Variants in ZFHX3 observed in about 807,000 individuals in gnomAD.
ZFHX3 encodes the protein zinc finger homeobox protein 3.
A neutral mutation model predicts 279.1 loss-of-function variants in ZFHX3; 42 were observed. That is an observed-to-expected ratio of 0.15 (90% CI 0.12 to 0.19). The LOEUF (loss-of-function observed/expected upper bound fraction) is 0.19, where lower values mean the gene tolerates loss of function less well. Ranked by LOEUF, ZFHX3 falls within the 10% of genes least tolerant of loss-of-function variation. ZFHX3 has a pLI of 1.00. For synonymous variants in ZFHX3, 2,293 were observed against 1,957.8 expected (o/e 1.17, Z -4.52); for missense variants, 4,981 against 4,754.0 (o/e 1.05, Z -1.40).
chr16:73,561,267 C>T (rs922244811), intron 2 of ZFHX3, among the ~76,000 whole-genome samples: 6 of 152,108 alleles, frequency 3.9e-5, no homozygotes, highest in Non-Finnish European at 7.3e-5. Context: ...AGTTTCCATC[C>T]GTGTGCAGAT....
At chr16:73,690,194 C>T (rs917346982) in intron 1 of ZFHX3, among the ~76,000 whole-genome samples, 24 of 151,920 alleles carry the variant, frequency 1.6e-4, no homozygotes, top group African/African-American at 5.3e-4. Flanking sequence ...TGGGATTACA[C>T]GTGGACATAC....
intron 3 of ZFHX3, among the ~76,000 whole-genome samples, chr16:73,326,862 C>A (rs1259171077): frequency 6.6e-6 from 1 of 152,214 alleles, no homozygotes; most frequent in Non-Finnish European, 1.5e-5. Flanking sequence ...AAACTCCCAA[C>A]ATCAACATAC....
chr16:73,603,154 G>C (rs929349449), intron 2 of ZFHX3, among the ~76,000 whole-genome samples: 5 of 151,566 alleles, frequency 3.3e-5, no homozygotes, highest in African/African-American at 1.2e-4. Context: ...GCGCAGTGGC[G>C]GGCGTCTGTA....
chr16:73,732,341 C>G (rs77279481), intron 1 of ZFHX3, among the ~76,000 whole-genome samples: 1 of 152,192 alleles, frequency 6.6e-6, no homozygotes, highest in African/African-American at 2.4e-5. Flanking sequence ...TGCTGGCCAA[C>G]AGAGAAGGAT....
chr16:73,639,087 C>T (rs897170067), intron 2 of ZFHX3, among the ~76,000 whole-genome samples: 7 of 152,134 alleles, frequency 4.6e-5, no homozygotes, highest in African/African-American at 1.2e-4. Flanking sequence ...TACCATGCAA[C>T]GGTCCTTTGC....
At chr16:73,678,231 A>G (rs1448580091) in intron 2 of ZFHX3, among the ~76,000 whole-genome samples, 1 of 152,164 alleles carries the variant, frequency 6.6e-6, no homozygotes, top group Non-Finnish European at 1.5e-5. Flanking sequence ...TGTTACACGC[A>G]TGTGTGAACA....
At chr16:73,420,844 A>G (rs2017704528) in intron 3 of ZFHX3, 1 of 152,216 alleles carries the variant, frequency 6.6e-6, no homozygotes, top group African/African-American at 2.4e-5. Context: ...CTCAAATTAC[A>G]TAATGAATCC....
chr16:73,416,932 C>T, intron 3 of ZFHX3, among the ~76,000 whole-genome samples: 1 of 151,978 alleles, frequency 6.6e-6, no homozygotes, highest in Non-Finnish European at 1.5e-5. Flanking sequence ...ACGTACCTCC[C>T]AAAATATACT....
At chr16:73,368,984 C>G (rs930740078) in intron 3 of ZFHX3, among the ~76,000 whole-genome samples, 3 of 152,200 alleles carry the variant, frequency 2.0e-5, no homozygotes, top group Admixed American at 1.3e-4. Flanking sequence ...CAGACAGATA[C>G]AATGTGACCT....
intron 4 of ZFHX3, among the ~76,000 whole-genome samples, chr16:72,838,900 T>A (rs1338480963): frequency 7.1e-6 from 1 of 141,834 alleles, no homozygotes; most frequent in Non-Finnish European, 1.5e-5. Context: ...CACAGGAAGA[T>A]TTTTTTTTTT....
chr16:73,540,545 AG>A (rs2019993089), intron 2 of ZFHX3, among the ~76,000 whole-genome samples: 1 of 152,256 alleles, frequency 6.6e-6, no homozygotes, highest in South Asian at 2.1e-4. Context: ...AAGTAAAAGC[AG>A]GAAGAGGATC....
In ZFHX3 at chr16:73,505,709, A is replaced by G. The variant is rs540937921; in HGVS notation, c.-1546-49451T>C. Among the ~76,000 whole-genome samples the G allele has an allele frequency of 9.8e-5, 15 of 152,292 alleles. No homozygotes were observed. The South Asian group carries it at 3.1e-3, about 32-fold the overall frequency. ...TCTTGCTCCAGCTCTCAGTCTCAGG[A>G]TCCCAGATTTTGCCTCTCACTTTAC... On this transcript the variant is annotated intron_variant, in intron 2 of 17. Transcript: ENST00000641206.
intron 8 of ZFHX3, among the ~76,000 whole-genome samples, chr16:73,086,314 T>A (rs1012529993): frequency 3.3e-5 from 5 of 152,126 alleles, no homozygotes; most frequent in Non-Finnish European, 7.4e-5. Flanking sequence ...TCCTCAAAAG[T>A]CTAAAAATAG....
intron 4 of ZFHX3, among the ~76,000 whole-genome samples, chr16:72,838,669 T>C (rs1427290183): frequency 1.3e-5 from 2 of 152,026 alleles, no homozygotes; most frequent in African/African-American, 4.8e-5. Context: ...TTTGAACAAT[T>C]TGTCAAAACC....
chr16:73,386,786 G>T (rs1467470336), intron 3 of ZFHX3: 1 of 151,694 alleles, frequency 6.6e-6, no homozygotes, highest in Non-Finnish European at 1.5e-5. Context: ...TGGAGGAGTT[G>T]CTGAGTGACA....
chr16:73,186,687 A>G (rs1232169367), intron 5 of ZFHX3, among the ~76,000 whole-genome samples: 1 of 151,624 alleles, frequency 6.6e-6, no homozygotes, highest in Non-Finnish European at 1.5e-5. Context: ...TCCATCCTAT[A>G]TTTAAAAACA....
intron 2 of ZFHX3, among the ~76,000 whole-genome samples, chr16:73,542,839 C>T (rs1305965306): frequency 1.3e-5 from 2 of 152,036 alleles, no homozygotes; most frequent in Non-Finnish European, 2.9e-5. Flanking sequence ...TATTTGGGAA[C>T]CCTAAACCTT....
intron 2 of ZFHX3, among the ~76,000 whole-genome samples, chr16:73,618,137 C>T (rs148948179): frequency 2.6e-5 from 4 of 152,262 alleles, no homozygotes; most frequent in Admixed American, 2.6e-4. Flanking sequence ...CGTCTATAGT[C>T]CAGCCGATAA....
intron 2 of ZFHX3, among the ~76,000 whole-genome samples, chr16:73,562,967 C>A (rs1035783404): frequency 6.6e-6 from 1 of 152,122 alleles, no homozygotes; most frequent in African/African-American, 2.4e-5. Flanking sequence ...TAAGGGAAAC[C>A]TTTGCTTGAA....
Sources: gnomAD v4.1 joint callset for allele counts (sites outside exome capture counted in the v4.1 genomes callset) on GRCh38, gnomAD v4.1.1 for gene constraint, MANE v1.5 for transcripts, NCBI Gene and HGNC (gene_info 2026-07-23, HGNC 2026-07-21) for gene names.